The following OXR1 variants were observed in gnomAD, a reference collection of about 807,000 sequenced individuals.
OXR1 encodes oxidation resistance 1, also known as oxidation resistance protein 1.
A neutral mutation model predicts 104.6 loss-of-function variants in OXR1; 41 were observed. The observed-to-expected ratio is 0.39, with a 90% CI of 0.31 to 0.51. The LOEUF (loss-of-function observed/expected upper bound fraction) is 0.51, where lower values mean the gene tolerates loss of function less well. Among genes scored for constraint, OXR1 ranks in the 20% least tolerant of loss-of-function variants. The probability of loss-of-function intolerance (pLI) is 0.77; values close to 1 mark genes in which losing one functional copy is unlikely to be tolerated. For synonymous variants in OXR1, 348 were observed against 348.4 expected, an observed-to-expected ratio of 1.00 and a Z score of 0.01; for missense variants, 955 against 1,031.9, an observed-to-expected ratio of 0.93 and a Z score of 1.02.
intron 3 of OXR1, among the ~76,000 whole-genome samples, chr8:106,565,566 A>G (rs2130523797): frequency 6.6e-6 from 1 of 152,358 alleles, no homozygotes; most frequent in South Asian, 2.1e-4. Flanking sequence ...AGTGATTTAT[A>G]GATTCCATGC....
chr8:106,423,926 C>A (rs569732774), intron 2 of OXR1, among the ~76,000 whole-genome samples: 1 of 152,070 alleles, frequency 6.6e-6, no homozygotes, highest in South Asian at 2.1e-4. Flanking sequence ...CCTAACTAGT[C>A]TTGATTTTTT....
chr8:106,307,781 C>T (rs948737713), intron 1 of OXR1, among the ~76,000 whole-genome samples: 1 of 152,034 alleles, frequency 6.6e-6, no homozygotes, highest in Non-Finnish European at 1.5e-5. Context: ...ATGTAAGTGT[C>T]GAATTCTAAA....
At chr8:106,358,976 T>C (rs1229404637) in intron 1 of OXR1, among the ~76,000 whole-genome samples, 1 of 152,168 alleles carries the variant, frequency 6.6e-6, no homozygotes, top group Non-Finnish European at 1.5e-5. Flanking sequence ...ATAATTTAAT[T>C]CACTAAATTA....
chr8:106,689,198 C>T (rs1393297966), intron 6 of OXR1, among the ~76,000 whole-genome samples: 3 of 152,060 alleles, frequency 2.0e-5, no homozygotes, highest in African/African-American at 7.2e-5. Context: ...AGAGGAGAAT[C>T]ATTTCTTGCC....
intron 2 of OXR1, among the ~76,000 whole-genome samples, chr8:106,417,997 T>C (rs1260078604): frequency 6.6e-6 from 1 of 152,042 alleles, no homozygotes; most frequent in East Asian, 1.9e-4. Flanking sequence ...GGGCTTGAAG[T>C]CTCAGACTTC....
chr8:106,457,476 G>A (rs990030505), intron 2 of OXR1, among the ~76,000 whole-genome samples: 1 of 152,110 alleles, frequency 6.6e-6, no homozygotes, highest in Non-Finnish European at 1.5e-5. Context: ...ACAGAAAATT[G>A]GTACCAAGAG....
Position 106,393,658 on chromosome 8 carries a change from A to G in OXR1, c.23+34022A>G, listed in dbSNP as rs1817667315. 2.0e-5 allele frequency among the ~76,000 whole-genome samples: 3 copies of G among 152,030 alleles called. No individual in the cohort carries two copies. In the South Asian group the frequency reaches 6.2e-4, roughly 31 times the overall value. ...TTTTGTGAGTAATGAAATACATAAC[A>G]TAAGGTGGATTGAAAGGTGCTATAT... On this transcript the variant is annotated intron_variant, in intron 2 of 16. Transcript: ENST00000517566.
intron 2 of OXR1, among the ~76,000 whole-genome samples, chr8:106,490,128 C>T (rs1418617024): frequency 1.3e-5 from 2 of 152,184 alleles, no homozygotes; most frequent in African/African-American, 4.8e-5. Context: ...CTTTCCCCTT[C>T]ACCAGCCATC....
At chr8:106,475,475 G>A (rs541718314) in intron 2 of OXR1, among the ~76,000 whole-genome samples, 2 of 151,872 alleles carry the variant, frequency 1.3e-5, no homozygotes, top group Non-Finnish European at 2.9e-5. Flanking sequence ...CAGAAGAGGT[G>A]GAGGAGGTGG....
chr8:106,606,886 T>C (rs144093103), intron 3 of OXR1, among the ~76,000 whole-genome samples: 1 of 152,272 alleles, frequency 6.6e-6, no homozygotes, highest in African/African-American at 2.4e-5. Flanking sequence ...GGAATGGTAG[T>C]TTTTGCTGTT....
intron 3 of OXR1, among the ~76,000 whole-genome samples, chr8:106,629,929 C>CT (rs1822518605): frequency 6.6e-6 from 1 of 152,116 alleles, no homozygotes; most frequent in South Asian, 2.1e-4. Context: ...AAATAATAGT[C>CT]AATGTGATCT....
chr8:106,419,208 T>C (rs1818804199), intron 2 of OXR1, among the ~76,000 whole-genome samples: 1 of 152,182 alleles, frequency 6.6e-6, no homozygotes, highest in South Asian at 2.1e-4. Flanking sequence ...AACATGCATC[T>C]TACCCTGACG....
At chr8:106,491,547 T>G (rs1176969219) in intron 2 of OXR1, among the ~76,000 whole-genome samples, 2 of 152,234 alleles carry the variant, frequency 1.3e-5, no homozygotes, top group African/African-American at 4.8e-5. Flanking sequence ...CTATATGATC[T>G]GTGGCATTTT....
chr8:106,332,522 T>C (rs923659513), intron 1 of OXR1, among the ~76,000 whole-genome samples: 1 of 152,182 alleles, frequency 6.6e-6, no homozygotes, highest in Non-Finnish European at 1.5e-5. Flanking sequence ...TTGCACCTTA[T>C]ATCGGAGACC....
intron 3 of OXR1, chr8:106,581,120 C>A (rs143309115): frequency 7.9e-7 from 1 of 1,259,046 alleles, no homozygotes; most frequent in East Asian, 5.6e-5. Context: ...ACAGTCTAGA[C>A]TTAAAGATTT....
At chr8:106,734,576 A>G (rs1834205444) in intron 11 of OXR1, among the ~76,000 whole-genome samples, 1 of 152,166 alleles carries the variant, frequency 6.6e-6, no homozygotes, top group African/African-American at 2.4e-5. Flanking sequence ...GAAACACTGG[A>G]ACGTCCATAA....
chr8:106,497,886 A>G (rs947702174), intron 2 of OXR1, among the ~76,000 whole-genome samples: 2 of 152,108 alleles, frequency 1.3e-5, no homozygotes, highest in African/African-American at 2.4e-5. Flanking sequence ...ACTATGAAAT[A>G]TGGACATTTT....
intron 2 of OXR1, among the ~76,000 whole-genome samples, chr8:106,458,973 C>T (rs886119059): frequency 7.2e-5 from 11 of 152,036 alleles, no homozygotes; most frequent in Non-Finnish European, 1.5e-4. Flanking sequence ...TGAGTCTCAG[C>T]CATATCTGAT....
intron 3 of OXR1, among the ~76,000 whole-genome samples, chr8:106,570,724 G>C (rs966045411): frequency 2.0e-5 from 3 of 152,132 alleles, no homozygotes; most frequent in African/African-American, 7.2e-5. Context: ...ATTGTCCCCA[G>C]ATGCCTGTCT....
Sources: allele counts gnomAD v4.1 joint callset (sites outside exome capture counted in the v4.1 genomes callset), GRCh38; gene constraint gnomAD v4.1.1; transcripts MANE v1.5; gene names NCBI Gene and HGNC (gene_info 2026-07-23, HGNC 2026-07-21).